Variants in NFASC observed in about 807,000 individuals in gnomAD.
The protein encoded by NFASC is neurofascin.
Under a neutral mutation model 147.5 loss-of-function variants are expected in NFASC, and 43 were observed. That is an observed-to-expected ratio of 0.29 (90% CI 0.23 to 0.38). The LOEUF (loss-of-function observed/expected upper bound fraction) is 0.38, where lower values mean the gene tolerates loss of function less well. Among genes scored for constraint, NFASC ranks in the 10% least tolerant of loss-of-function variants. The probability of loss-of-function intolerance (pLI) is 1.00; values close to 1 mark genes in which losing one functional copy is unlikely to be tolerated. For missense variants in NFASC, 1,320 were observed against 1,689.0 expected (o/e 0.78, Z 3.83); for synonymous variants, 622 against 665.5 (o/e 0.93, Z 1.01).
chr1:204,891,697 A>G (rs569619982), intron 1 of NFASC, among the ~76,000 whole-genome samples: 1 of 152,322 alleles, frequency 6.6e-6, no homozygotes, highest in African/African-American at 2.4e-5. Context: ...ATTTTCTTTC[A>G]GTACTGCCAG....
At chr1:204,943,608 A>G (rs2093514164) in intron 2 of NFASC, among the ~76,000 whole-genome samples, 1 of 152,222 alleles carries the variant, frequency 6.6e-6, no homozygotes, top group South Asian at 2.1e-4. Flanking sequence ...TTGTGCGCCA[A>G]GTCTTCACTT....
chr1:204,856,201 A>G (rs887555131), intron 1 of NFASC, among the ~76,000 whole-genome samples: 2 of 152,254 alleles, frequency 1.3e-5, no homozygotes, highest in South Asian at 4.2e-4. Flanking sequence ...CAAAAGGCCA[A>G]GAAGACCCCT....
chr1:204,860,381 G>A (rs936935864), intron 1 of NFASC, among the ~76,000 whole-genome samples: 15 of 152,178 alleles, frequency 9.9e-5, no homozygotes, highest in African/African-American at 2.9e-4. Context: ...GGGCACATGG[G>A]CTGACTGTCA....
intron 1 of NFASC, among the ~76,000 whole-genome samples, chr1:204,829,301 G>A (rs1219688865): frequency 6.7e-6 from 1 of 148,596 alleles, no homozygotes; most frequent in Admixed American, 6.7e-5. Context: ...CCCCTTGCAC[G>A]CCCTGTCCCA....
At position 204,852,457 on chromosome 1, in the gene NFASC, G is replaced by A. The variant is rs543180274; in HGVS notation, c.-200+23675G>A. On this transcript the variant is annotated intron_variant, in intron 1 of 29. Coordinates refer to ENST00000339876, the MANE Select transcript of NFASC (RefSeq NM_001005388.3). The stretch of plus-strand genomic sequence containing the variant: ...AGAGGTGGCAGTGAGCTGAGATCGC[G>A]CCACTGCACTCCAACCTGGGTGACA... 5.9e-5 allele frequency among the ~76,000 whole-genome samples: 9 copies of A among 152,298 alleles called. No individual in the cohort carries two copies. The South Asian group carries it at 1.7e-3, about 28-fold the overall frequency.
intron 8 of NFASC, chr1:204,967,968 C>G: frequency 3.5e-6 from 1 of 289,808 alleles, no homozygotes; most frequent in East Asian, 7.5e-5. Flanking sequence ...AGCCCCTCCC[C>G]GTTCCAGGGA....
rs774845431 is a variant in NFASC at position 204,997,289 on chromosome 1, C to T, written c.2902C>T (p.Pro968Ser). Residue 968 changes from proline (P) to serine (S), a missense_variant, in exon 25 of 30, where the codon CCT becomes TCT. Transcript: ENST00000339876. ...AGTCCCCATCATCCCAACTGTCGCA[C>T]CTACCACCATCGCCACCACCACCAC... ...TTVPIIPTVA[P>S]TTIATTTTVA... 3 of 1,609,922 alleles carry T rather than the reference C, an allele frequency of 1.9e-6. No homozygotes were observed. In the African/African-American group the frequency reaches 4.0e-5, roughly 22 times the overall value.
Position 204,974,737 on chromosome 1 carries a change from T to C in NFASC, c.1472T>C (p.Ile491Thr). Residue 491 changes from isoleucine to threonine, a missense_variant, in exon 14 of 30, where the codon ATC becomes ACC. Physicochemically the swap from Ile to Thr is moderately conservative, Grantham distance 89. Coordinates refer to ENST00000339876, the MANE Select transcript of NFASC (RefSeq NM_001005388.3). ...AACGGCAGTCTGGAAATTAAGATGA[T>C]CCGCAAAGAGGACCAGGGCATCTAC... The part of the protein sequence containing the change: ...YENGSLEIKM[I>T]RKEDQGIYTC... 6.2e-7 allele frequency: 1 copy of C among 1,613,376 alleles called. No individual in the cohort carries two copies. Among genetic ancestry groups the C allele is most frequent in the African/African-American group, 1.3e-5 (1 of 74,704 alleles).
chr1:204,836,788 A>G (rs1460498358), intron 1 of NFASC, among the ~76,000 whole-genome samples: 1 of 152,274 alleles, frequency 6.6e-6, no homozygotes, highest in Non-Finnish European at 1.5e-5. Context: ...TTATCATCAC[A>G]CACTGAGTGG....
intron 7 of NFASC, among the ~76,000 whole-genome samples, chr1:204,956,789 A>G (rs2094452700): frequency 6.6e-6 from 1 of 152,202 alleles, no homozygotes; most frequent in African/African-American, 2.4e-5. Context: ...ATGGTGACTT[A>G]AAAAACAATT....
chr1:205,019,401 G>A lies in NFASC; in HGVS notation c.*2862G>A, dbSNP rs181794630. On this transcript the variant is annotated 3_prime_UTR_variant, in exon 30 of 30. Transcript: ENST00000339876. The stretch of plus-strand genomic sequence containing the variant: ...TGGGCATCTTACAGTAACTCTAGAA[G>A]TTCCTTTGACTAGGCTGCAATCCCA... The A allele has an allele frequency of 1.2e-4, 18 of 152,378 alleles. No homozygotes were observed. In the East Asian group the frequency reaches 3.5e-3, roughly 29 times the overall value. 9.4% of individuals were successfully genotyped at this position (152,378 alleles called of 1,614,324 possible).
intron 3 of NFASC, chr1:204,946,419 G>C: frequency 2.2e-6 from 1 of 449,826 alleles, no homozygotes. Context: ...AAGTCCTTCT[G>C]CAATGCCATT....
In NFASC at chr1:204,954,492, G is replaced by T; in HGVS notation, c.412+108G>T. ...CTGCCCCTGCCCTTGGCCTGCAGTT[G>T]CCTTGGTGTTCTCTATGCATCTTCC... On this transcript the variant is annotated intron_variant, in intron 6 of 29. Coordinates refer to ENST00000339876, the MANE Select transcript of NFASC (RefSeq NM_001005388.3). The surrounding 1 kb of genome is among the most constrained non-coding windows in gnomAD (Gnocchi z 5.7). The T allele has an allele frequency of 9.8e-7, 1 of 1,023,354 alleles. No homozygotes were observed. Among genetic ancestry groups the T allele is most frequent in the Non-Finnish European group, 1.4e-6 (1 of 704,362 alleles). The allele number at this position is 1,023,354 out of a possible 1,614,324, so 63.4% of individuals were successfully genotyped here.
chr1:205,003,884 C>T (rs1015096994), intron 27 of NFASC, among the ~76,000 whole-genome samples: 5 of 152,222 alleles, frequency 3.3e-5, no homozygotes, highest in Admixed American at 6.5e-5. Flanking sequence ...TGTCTTCCTC[C>T]GTGTCTCCGC....
chr1:205,017,107 A>C lies in NFASC; in HGVS notation c.*568A>C. ...CCACCTCTGGGCCAATGCATTTCCA[A>C]AGGATGCCTTTCTCGCCATATGCCT... is the stretch of plus-strand genomic sequence containing the variant. On this transcript the variant is annotated 3_prime_UTR_variant, in exon 30 of 30. Coordinates refer to ENST00000339876, the MANE Select transcript of NFASC (RefSeq NM_001005388.3). The C allele has an allele frequency of 5.8e-6, 1 of 171,184 alleles. No homozygotes were observed. The highest frequency in any genetic ancestry group is 1.3e-5 in the Non-Finnish European group (1 of 77,572). 10.6% of individuals were successfully genotyped at this position (171,184 alleles called of 1,614,324 possible).
Position 204,954,997 on chromosome 1 carries a change from G to C in NFASC, c.535+46G>C. ...GTTGTGTTTATATCTTAACCTTAGG[G>C]GGTGGGGTGGGTGTGTTAAGTGGGG... On this transcript the variant is annotated intron_variant, in intron 7 of 29. Coordinates refer to ENST00000339876, the MANE Select transcript of NFASC (RefSeq NM_001005388.3). This position sits in a 1 kb window ranked among gnomAD's most constrained non-coding sequence, Gnocchi z 5.7. 1 of 1,603,994 alleles carries C rather than the reference G, an allele frequency of 6.2e-7. No individual in the cohort carries two copies. Among genetic ancestry groups the C allele is most frequent in the Non-Finnish European group, 8.5e-7 (1 of 1,173,416 alleles).
Position 204,924,328 on chromosome 1 carries a change from C to T in NFASC, c.-91+3588C>T, listed in dbSNP as rs918506705. 2.6e-5 allele frequency among the ~76,000 whole-genome samples: 4 copies of T among 152,240 alleles called. No homozygotes were observed. The East Asian group carries it at 7.7e-4, about 29-fold the overall frequency. On this transcript the variant is annotated intron_variant, in intron 2 of 29. Coordinates refer to ENST00000339876, the MANE Select transcript of NFASC (RefSeq NM_001005388.3). ...GAGAAGGAACAGGTGCTGCTCCCTC[C>T]TGCTGTCTTAGTTCTTTCCTCTCTA...
chr1:204,874,476 A>G (rs1304334048), intron 1 of NFASC, among the ~76,000 whole-genome samples: 2 of 152,212 alleles, frequency 1.3e-5, no homozygotes, highest in African/African-American at 2.4e-5. Flanking sequence ...CTGGGAGTGG[A>G]ATCACGTGGC....
At chr1:204,889,077 G>A (rs530887988) in intron 1 of NFASC, among the ~76,000 whole-genome samples, 20 of 152,316 alleles carry the variant, frequency 1.3e-4, no homozygotes, top group African/African-American at 4.8e-4. Flanking sequence ...GGGCAAGAAC[G>A]ACCAGGCTTT....
Sources: gnomAD v4.1 joint callset for allele counts (sites outside exome capture counted in the v4.1 genomes callset) on GRCh38, gnomAD v4.1.1 for gene constraint, Gnocchi (gnomAD v3.1) non-coding constraint, MANE v1.5 for transcripts, NCBI Gene and HGNC (gene_info 2026-07-23, HGNC 2026-07-21) for gene names.